PKM: variants seen among roughly 807,000 people sequenced by gnomAD.
PKM encodes the protein pyruvate kinase PKM.
A neutral mutation model predicts 49.8 loss-of-function variants in PKM; 18 were observed. That is an observed-to-expected ratio of 0.36 (90% CI 0.25 to 0.54). The LOEUF (loss-of-function observed/expected upper bound fraction) is 0.54. Ranked by LOEUF, PKM falls within the 20% of genes least tolerant of loss-of-function variation. The pLI, the probability that PKM is intolerant of heterozygous loss-of-function variation, is 0.89. For synonymous variants in PKM, 239 were observed against 261.8 expected, an observed-to-expected ratio of 0.91 and a Z score of 0.84; for missense variants, 508 against 713.8, an observed-to-expected ratio of 0.71 and a Z score of 3.28.
Position 72,202,837 on chromosome 15 carries a change from C to A in PKM, c.1141-217G>T. The A allele has an allele frequency of 1.4e-6, 1 of 718,940 alleles. No individual in the cohort carries two copies. Among genetic ancestry groups the A allele is most frequent in the South Asian group, 1.6e-5 (1 of 63,152 alleles). The allele number at this position is 718,940 out of a possible 1,614,324, so 44.5% of individuals were successfully genotyped here. ...GTCCTTCACCAAGTGCCTGTGACAT[C>A]TACTGTGCCTACTGAGCCACAGGAC... is the stretch of plus-strand genomic sequence containing the variant. On this transcript the variant is annotated intron_variant, in intron 8 of 10. Transcript: ENST00000335181. This position sits in a 1 kb window ranked among gnomAD's most constrained non-coding sequence, Gnocchi z 4.5.
rs8192432 is a variant in PKM, at chr15:72,199,432, G to C, written c.*218C>G. ...CATTCCTCCTTCTTCCCTTGATTGG[G>C]TGGGGCCACATGATGGGCAGCCAGG... On this transcript the variant is annotated 3_prime_UTR_variant, in exon 11 of 11. Transcript: ENST00000335181. 5.8e-6 allele frequency: 4 copies of C among 692,958 alleles called. No homozygotes were observed. The African/African-American group carries it at 7.0e-5, about 12-fold the overall frequency. 42.9% of individuals were successfully genotyped at this position (692,958 alleles called of 1,614,324 possible).
intron 3 of PKM, among the ~76,000 whole-genome samples, chr15:72,215,245 C>A (rs1174273373): frequency 6.6e-6 from 1 of 152,030 alleles, no homozygotes; most frequent in African/African-American, 2.4e-5. Flanking sequence ...CATTTGATGT[C>A]CCTCTGTCAG....
intron 1 of PKM, chr15:72,221,107 C>T: frequency 1.1e-6 from 1 of 926,336 alleles, no homozygotes; most frequent in Non-Finnish European, 1.7e-6. Context: ...TCTTCTTAGA[C>T]CTGAGATATG....
chr15:72,220,204 C>T (rs552096564), intron 1 of PKM, among the ~76,000 whole-genome samples: 51 of 152,332 alleles, frequency 3.3e-4, no homozygotes, highest in Non-Finnish European at 5.7e-4. Context: ...CTTGAGTTCT[C>T]AGACCAAGGG....
chr15:72,210,383 A>G lies in PKM; in HGVS notation c.342T>C (p.Thr114=). The G allele has an allele frequency of 1.9e-6, 3 of 1,614,126 alleles. No homozygotes were observed. The highest frequency in any genetic ancestry group is 2.5e-6 in the Non-Finnish European group (3 of 1,180,018). The change falls in exon 4 of 11, where the codon ACT becomes ACC. Residue 114 remains threonine, a synonymous_variant. Transcript: ENST00000335181. ...GCCCAGTTCGGATCTCAGGTCCTTT[A>G]GTGTCTAGAGCCACAGCAACGGGCC... is the stretch of plus-strand genomic sequence containing the variant. ...LYRPVAVALD[T]KGPEIRTGLI... is the part of the protein sequence containing the mutation.
At chr15:72,207,082 C>T in intron 7 of PKM, 45 bp downstream of exon 7, 1 of 1,609,420 alleles carries the variant, frequency 6.2e-7, no homozygotes, top group Non-Finnish European at 8.5e-7. Context: ...CCCATACAAA[C>T]ATGCGAGTGT....
intron 3 of PKM, among the ~76,000 whole-genome samples, chr15:72,214,357 T>G (rs1402163368): frequency 6.6e-6 from 1 of 152,232 alleles, no homozygotes; most frequent in Non-Finnish European, 1.5e-5. Flanking sequence ...TATTCAAATC[T>G]ATGTCATATA....
chr15:72,218,886 G>A, intron 2 of PKM, 58 bp downstream of exon 2: 1 of 1,561,558 alleles, frequency 6.4e-7, no homozygotes. Flanking sequence ...CTCTTTTCAG[G>A]AGAGAAAGGT....
At chr15:72,229,356 G>A (rs1440324363) in intron 1 of PKM, among the ~76,000 whole-genome samples, 3 of 152,204 alleles carry the variant, frequency 2.0e-5, no homozygotes, top group Non-Finnish European at 4.4e-5. Flanking sequence ...AAACTGAGGT[G>A]TAGAGGCTGA....
Position 72,206,887 on chromosome 15 carries a change from G to T in PKM, c.988-7C>A. ...TGATCATGCTCTCCAGCATCTGGGA[G>T]GGGACAGAGCATTAGTGAGATGTAG... On this transcript the variant is annotated splice_region_variant and splice_polypyrimidine_tract_variant and intron_variant, in intron 7 of 10. Transcript: ENST00000335181. The T allele has an allele frequency of 6.2e-7, 1 of 1,614,028 alleles. No homozygotes were observed. The highest frequency in any genetic ancestry group is 8.5e-7 in the Non-Finnish European group (1 of 1,179,998).
chr15:72,207,927 A>T (rs938314156), intron 6 of PKM, among the ~76,000 whole-genome samples: 2 of 152,240 alleles, frequency 1.3e-5, no homozygotes, highest in Non-Finnish European at 2.9e-5. Flanking sequence ...CTTCTAATCC[A>T]CAAGAGTGTG....
rs755193436 is a variant in PKM at position 72,207,124 on chromosome 15, T to C, written c.987+3A>G. On this transcript the variant is annotated splice_donor_region_variant and intron_variant, in intron 7 of 10. Coordinates refer to ENST00000335181, the MANE Select transcript of PKM (RefSeq NM_002654.6). Reference sequence around the variant, plus strand: ...GAGAATGTGGGGAAGGGTGGGCACATGCCTGAGTAGCACAGATGACAGGCT... The same window carrying C: ...GAGAATGTGGGGAAGGGTGGGCACACGCCTGAGTAGCACAGATGACAGGCT... The C allele has an allele frequency of 1.2e-6, 2 of 1,613,464 alleles. No individual in the cohort carries two copies. The highest frequency in any genetic ancestry group is 2.2e-5 in the East Asian group (1 of 44,878).
chr15:72,230,380 G>A (rs903119113), intron 1 of PKM, among the ~76,000 whole-genome samples: 8 of 152,214 alleles, frequency 5.3e-5, no homozygotes, highest in South Asian at 2.1e-4. Flanking sequence ...AGCACCGCCC[G>A]AGCCTGCTGG....
chr15:72,217,826 A>G (rs1368592548), intron 2 of PKM, among the ~76,000 whole-genome samples: 2 of 152,220 alleles, frequency 1.3e-5, no homozygotes, highest in African/African-American at 4.8e-5. Context: ...AACATGTTAG[A>G]AAGATCTTTC....
chr15:72,207,045 A>T (rs2082101924), intron 7 of PKM, 82 bp downstream of exon 7: 3 of 1,557,944 alleles, frequency 1.9e-6, no homozygotes, highest in Non-Finnish European at 2.7e-6. Flanking sequence ...ATTCCATGGG[A>T]AGAGATCAGA....
At chr15:72,205,675 T>G (rs1277605986) in intron 8 of PKM, among the ~76,000 whole-genome samples, 1 of 146,834 alleles carries the variant, frequency 6.8e-6, no homozygotes, top group Non-Finnish European at 1.5e-5. Flanking sequence ...GGGGGTGGCG[T>G]TTTAAACTTG....
At chr15:72,215,951 C>G (rs2082367324) in intron 3 of PKM, among the ~76,000 whole-genome samples, 1 of 152,172 alleles carries the variant, frequency 6.6e-6, no homozygotes, top group Non-Finnish European at 1.5e-5. Context: ...AGGGACATGT[C>G]TTAACCTACA....
chr15:72,224,634 G>A (rs528641089), intron 1 of PKM, among the ~76,000 whole-genome samples: 14 of 152,196 alleles, frequency 9.2e-5, no homozygotes, highest in African/African-American at 1.9e-4. Flanking sequence ...AGGCTGAGGC[G>A]GGCAGATCAC....
chr15:72,208,342 C>T (rs1022930709), intron 6 of PKM, among the ~76,000 whole-genome samples: 1 of 152,102 alleles, frequency 6.6e-6, no homozygotes, highest in African/African-American at 2.4e-5. Flanking sequence ...TGAGCAGTGA[C>T]CCTGTTCTCT....
Sources: gnomAD v4.1 joint callset for allele counts (sites outside exome capture counted in the v4.1 genomes callset) on GRCh38, gnomAD v4.1.1 for gene constraint, Gnocchi (gnomAD v3.1) non-coding constraint, MANE v1.5 for transcripts, NCBI Gene and HGNC (gene_info 2026-07-23, HGNC 2026-07-21) for gene names.